FAR1: variants seen among roughly 807,000 people sequenced by gnomAD.
FAR1 encodes male sterility domain-containing protein 2.
Under a neutral mutation model 61.1 loss-of-function variants are expected in FAR1, and 22 were observed. The observed-to-expected ratio is 0.36, with a 90% CI of 0.26 to 0.51. The LOEUF (loss-of-function observed/expected upper bound fraction) is 0.51. FAR1 is among the 20% of genes least tolerant of loss of function. The pLI is 0.95. For missense variants in FAR1, 359 were observed against 626.9 expected (o/e 0.57, Z 4.56); for synonymous variants, 206 against 209.7 (o/e 0.98, Z 0.15).
chr11:13,701,601 T>C (rs1351837288), intron 3 of FAR1, among the ~76,000 whole-genome samples: 1 of 152,078 alleles, frequency 6.6e-6, no homozygotes, highest in Non-Finnish European at 1.5e-5. Context: ...TTATTCCCCC[T>C]ATTGTCTTTA....
At chr11:13,727,826 C>A in intron 11 of FAR1, 143 bp downstream of exon 11, 1 of 735,362 alleles carries the variant, frequency 1.4e-6, no homozygotes, top group Non-Finnish European at 2.1e-6. Flanking sequence ...ATTTGTAGTG[C>A]TTTTTAATGT....
At chr11:13,683,469 A>C (rs917585806) in intron 1 of FAR1, among the ~76,000 whole-genome samples, 4 of 152,012 alleles carry the variant, frequency 2.6e-5, no homozygotes, top group African/African-American at 7.2e-5. Flanking sequence ...AGTAAAAAAA[A>C]CATAGATGAA....
intron 3 of FAR1, among the ~76,000 whole-genome samples, chr11:13,705,591 A>G (rs773434311): frequency 1.2e-4 from 18 of 152,088 alleles, no homozygotes; most frequent in Non-Finnish European, 2.5e-4. Flanking sequence ...GCATTCCCTT[A>G]TAGTCTAGTG....
intron 10 of FAR1, among the ~76,000 whole-genome samples, chr11:13,727,177 T>A (rs1383807145): frequency 6.6e-6 from 1 of 152,028 alleles, no homozygotes; most frequent in Non-Finnish European, 1.5e-5. Context: ...TCAGTAGGCA[T>A]GAACTGGAAA....
chr11:13,705,382 A>G (rs746785573), intron 3 of FAR1, among the ~76,000 whole-genome samples: 1 of 152,004 alleles, frequency 6.6e-6, no homozygotes, highest in Non-Finnish European at 1.5e-5. Context: ...GAATGGCTTC[A>G]GGTTTGGGCT....
At position 13,730,301 on chromosome 11, in the gene FAR1, A is replaced by G. The variant is rs1848710533; in HGVS notation, c.*1527A>G. Reference sequence around the variant, plus strand: ...TTGTGAAAAACTAAATGTAAAGGAAATCACCTACTTTCATGCAGGTGTATA... The same window carrying G: ...TTGTGAAAAACTAAATGTAAAGGAAGTCACCTACTTTCATGCAGGTGTATA... On this transcript the variant is annotated 3_prime_UTR_variant, in exon 12 of 12. Transcript: ENST00000354817. 1.3e-5 allele frequency: 2 copies of G among 152,500 alleles called. No individual in the cohort carries two copies. Among genetic ancestry groups the G allele is most frequent in the Non-Finnish European group, 2.9e-5 (2 of 67,926 alleles). The allele number at this position is 152,500 out of a possible 1,614,324, so 9.4% of individuals were successfully genotyped here.
At chr11:13,686,368 T>C (rs559907461) in intron 1 of FAR1, among the ~76,000 whole-genome samples, 76 of 152,338 alleles carry the variant, frequency 5.0e-4, no homozygotes, top group African/African-American at 1.6e-3. Context: ...CCACTTCTTA[T>C]ATATTTGTTC....
At chr11:13,689,575 C>CA (rs1297492028) in intron 1 of FAR1, among the ~76,000 whole-genome samples, 1 of 152,106 alleles carries the variant, frequency 6.6e-6, no homozygotes, top group Non-Finnish European at 1.5e-5. Context: ...TTTGGGCCAA[C>CA]AAAAATGGTG....
intron 1 of FAR1, among the ~76,000 whole-genome samples, chr11:13,683,831 C>T (rs1330142162): frequency 6.6e-6 from 1 of 152,168 alleles, no homozygotes; most frequent in Non-Finnish European, 1.5e-5. Flanking sequence ...GTTAGATATT[C>T]AATTTGAGAC....
intron 3 of FAR1, 25 bp from the exon 4 acceptor site, chr11:13,707,875 A>C: frequency 6.9e-7 from 1 of 1,458,322 alleles, no homozygotes; most frequent in Non-Finnish European, 9.1e-7. Flanking sequence ...CCAATTTTCT[A>C]TTGTCACTTT....
Position 13,730,402 on chromosome 11 carries a change from A to AAAT in FAR1, c.*1630_*1632dup, listed in dbSNP as rs893381733. Reference sequence around the variant, plus strand: ...AAACTTTTAAATATTATTTTAAAAGAAATATGTATATAAATATCTCTATAT... The same window carrying AAAT: ...AAACTTTTAAATATTATTTTAAAAGAAATAATATGTATATAAATATCTCTATAT... On this transcript the variant is annotated 3_prime_UTR_variant, in exon 12 of 12. Transcript: ENST00000354817. 50 of 152,526 alleles carry AAAT rather than the reference A, an allele frequency of 3.3e-4. No individual in the cohort carries two copies. Among genetic ancestry groups the AAAT allele is most frequent in the African/African-American group, 1.2e-3 (50 of 41,546 alleles). 9.4% of individuals were successfully genotyped at this position (152,526 alleles called of 1,614,324 possible).
intron 9 of FAR1, 57 bp downstream of exon 9, chr11:13,714,737 C>A: frequency 1.4e-6 from 2 of 1,456,664 alleles, no homozygotes; most frequent in Non-Finnish European, 9.3e-7. Flanking sequence ...CATGCTTACA[C>A]TAAAATGCAT....
At chr11:13,670,012 A>C (rs1219513399) in intron 1 of FAR1, 3 of 152,212 alleles carry the variant, frequency 2.0e-5, no homozygotes, top group Admixed American at 6.5e-5. Flanking sequence ...AAGATCTCTT[A>C]CAGTAATACA....
At chr11:13,723,362 C>CAAAA (rs71313446) in intron 10 of FAR1, 1,172 of 258,672 alleles carry the variant, frequency 4.5e-3, no homozygotes, top group Admixed American at 6.5e-3. Context: ...GAGAGTCTCT[C>CAAAA]AAAAAAAAAA....
At chr11:13,689,811 A>C (rs1848227826) in intron 1 of FAR1, among the ~76,000 whole-genome samples, 1 of 151,330 alleles carries the variant, frequency 6.6e-6, no homozygotes, top group Admixed American at 6.6e-5. Context: ...GTGGGATCAC[A>C]TAGGGGTTTT....
chr11:13,691,029 C>G (rs1347253660), intron 1 of FAR1, among the ~76,000 whole-genome samples: 4 of 152,084 alleles, frequency 2.6e-5, no homozygotes, highest in Non-Finnish European at 5.9e-5. Context: ...GCTGCTATAA[C>G]AAAATATCTT....
intron 3 of FAR1, among the ~76,000 whole-genome samples, chr11:13,706,187 G>A (rs1003814366): frequency 2.0e-5 from 3 of 151,694 alleles, no homozygotes; most frequent in Admixed American, 2.0e-4. Context: ...TTTTTCCATA[G>A]TTATAATTTT....
chr11:13,684,985 G>A (rs1565340354), intron 1 of FAR1, among the ~76,000 whole-genome samples: 1 of 151,946 alleles, frequency 6.6e-6, no homozygotes, highest in East Asian at 1.9e-4. Flanking sequence ...TGCCTTGGGG[G>A]TTTTTTGTTT....
At chr11:13,695,377 A>G (rs772658299) in intron 2 of FAR1, among the ~76,000 whole-genome samples, 4 of 152,180 alleles carry the variant, frequency 2.6e-5, no homozygotes, top group African/African-American at 7.2e-5. Flanking sequence ...ATTAGGAGGT[A>G]GAGAAGTCAC....
Sources: gnomAD v4.1 joint callset for allele counts (sites outside exome capture counted in the v4.1 genomes callset) on GRCh38, gnomAD v4.1.1 for gene constraint, MANE v1.5 for transcripts, NCBI Gene and HGNC (gene_info 2026-07-23, HGNC 2026-07-21) for gene names.